KDM4B: variants seen among roughly 807,000 people sequenced by gnomAD.
KDM4B encodes lysine demethylase 4B.
In KDM4B, 32 loss-of-function variants were observed where a neutral mutation model predicts 125.2. That is an observed-to-expected ratio of 0.26 (90% CI 0.19 to 0.34). The LOEUF (loss-of-function observed/expected upper bound fraction) is 0.34. Among genes scored for constraint, KDM4B ranks in the 10% least tolerant of loss-of-function variants. The probability of loss-of-function intolerance (pLI) is 1.00; values close to 1 mark genes in which losing one functional copy is unlikely to be tolerated. For synonymous variants in KDM4B, 721 were observed against 677.9 expected (o/e 1.06, Z -0.99); for missense variants, 1,190 against 1,577.7 (o/e 0.75, Z 4.16).
intron 10 of KDM4B, among the ~76,000 whole-genome samples, chr19:5,113,713 G>GC (rs1316938515): frequency 6.6e-6 from 1 of 152,122 alleles, no homozygotes; most frequent in Non-Finnish European, 1.5e-5. Context: ...TGCCAGGAGT[G>GC]CCCCAAGTCG....
chr19:5,143,898 CG>C, intron 18 of KDM4B, 68 bp from the exon 19 acceptor site: 2 of 1,267,572 alleles, frequency 1.6e-6, no homozygotes, highest in Non-Finnish European at 2.2e-6. Flanking sequence ...CGGGAGGGGC[CG>C]GGGACTCCGT....
intron 1 of KDM4B, among the ~76,000 whole-genome samples, chr19:4,999,070 C>T (rs1342028527): frequency 6.6e-6 from 1 of 152,160 alleles, no homozygotes; most frequent in Non-Finnish European, 1.5e-5. Context: ...CGTTACTCCT[C>T]AAACGTTCAC....
At chr19:4,976,077 C>T (rs1335525436) in intron 1 of KDM4B, among the ~76,000 whole-genome samples, 1 of 151,312 alleles carries the variant, frequency 6.6e-6, no homozygotes, top group African/African-American at 2.4e-5. Context: ...TGGAGAAATC[C>T]TGTCTCTACT....
chr19:5,110,538 G>A, intron 9 of KDM4B, 84 bp from the exon 10 acceptor site: 1 of 1,402,386 alleles, frequency 7.1e-7, no homozygotes, highest in Non-Finnish European at 1.0e-6. Context: ...CCCGGGCCGT[G>A]AGCCCTACCT....
intron 1 of KDM4B, among the ~76,000 whole-genome samples, chr19:5,013,377 T>C (rs1599413008): frequency 6.6e-6 from 1 of 152,228 alleles, no homozygotes; most frequent in African/African-American, 2.4e-5. Flanking sequence ...GGCCCTTGTC[T>C]CCGCTGAAGT....
At chr19:5,046,307 C>G (rs2602728) in intron 5 of KDM4B, among the ~76,000 whole-genome samples, 3 of 152,060 alleles carry the variant, frequency 2.0e-5, no homozygotes. Flanking sequence ...AGCAGAGAAG[C>G]GACTTGCTGT....
rs1037201615 is a variant in KDM4B at position 5,141,814 on chromosome 19, A to G, written c.2551-2153A>G. On this transcript the variant is annotated intron_variant, in intron 18 of 22. Transcript: ENST00000159111. This position sits in a 1 kb window ranked among gnomAD's most constrained non-coding sequence, Gnocchi z 6.4. ...CAGGTTCCTGGCAGCAGGCAAAAGC[A>G]CCGGGAGCTCCCTGGAGGATCTGGG... Among the ~76,000 whole-genome samples, 5 of 151,596 alleles carry G rather than the reference A, an allele frequency of 3.3e-5. No homozygotes were observed. The highest frequency in any genetic ancestry group is 3.4e-3 in the Middle Eastern group (1 of 294).
At chr19:4,970,352 C>A (rs2034212014) in intron 1 of KDM4B, among the ~76,000 whole-genome samples, 1 of 152,204 alleles carries the variant, frequency 6.6e-6, no homozygotes, top group African/African-American at 2.4e-5. Context: ...GAAGGTGGTT[C>A]AGCTCCGTGG....
chr19:5,116,890 C>G (rs918214961), intron 10 of KDM4B, among the ~76,000 whole-genome samples: 1 of 152,150 alleles, frequency 6.6e-6, no homozygotes, highest in African/African-American at 2.4e-5. Context: ...ATGGCCACAC[C>G]CTCAACACCT....
intron 9 of KDM4B, among the ~76,000 whole-genome samples, chr19:5,103,323 T>A (rs572881608): frequency 6.6e-6 from 1 of 152,250 alleles, no homozygotes; most frequent in African/African-American, 2.4e-5. Context: ...CTGATTTGTA[T>A]TTTTTCATGC....
chr19:5,079,554 C>A (rs2038223720), intron 8 of KDM4B, among the ~76,000 whole-genome samples: 1 of 152,178 alleles, frequency 6.6e-6, no homozygotes, highest in Non-Finnish European at 1.5e-5. Context: ...GGGGGCCCAG[C>A]TGGATCCCTG....
chr19:5,083,224 G>A (rs1395158597), intron 9 of KDM4B, among the ~76,000 whole-genome samples: 4 of 152,212 alleles, frequency 2.6e-5, no homozygotes, highest in African/African-American at 9.7e-5. Flanking sequence ...AGCCATCTGT[G>A]TGGCTGTTCT....
At chr19:5,132,843 T>C (rs200265597) in intron 13 of KDM4B, among the ~76,000 whole-genome samples, 1 of 152,138 alleles carries the variant, frequency 6.6e-6, no homozygotes, top group East Asian at 1.9e-4. Flanking sequence ...AGTGGCTCTG[T>C]TCTCATCCCC....
chr19:5,053,209 C>T (rs572851412), intron 6 of KDM4B, among the ~76,000 whole-genome samples: 5 of 152,240 alleles, frequency 3.3e-5, no homozygotes, highest in Admixed American at 2.0e-4. Context: ...CCTTGCCACC[C>T]GAGGCCCAAC....
At position 5,144,151 on chromosome 19, in the gene KDM4B, C is replaced by T; in HGVS notation, c.2735C>T (p.Ala912Val). The change falls in exon 19 of 23, where the codon GCT (alanine) becomes GTT (valine). Residue 912 changes from alanine (A) to valine (V), a missense_variant and splice_region_variant. This residue lies in a region of KDM4B where 298 missense variants were observed against 439.7 expected (regional missense o/e 0.68). Coordinates refer to ENST00000159111, the MANE Select transcript of KDM4B (RefSeq NM_015015.3). The part of the protein sequence containing the change: ...TCLKHKSGGH[A>V]VQLLRAVSLG... ...CTCAAGCACAAGTCGGGGGGTCACG[C>T]TGTGAGTGCCTGCCCGCCTCCTTGC... 6.3e-7 allele frequency: 1 copy of T among 1,595,146 alleles called. No homozygotes were observed. The highest frequency in any genetic ancestry group is 8.6e-7 in the Non-Finnish European group (1 of 1,166,268).
intron 6 of KDM4B, among the ~76,000 whole-genome samples, chr19:5,051,867 G>C (rs1198988394): frequency 2.0e-5 from 3 of 152,228 alleles, no homozygotes; most frequent in Admixed American, 6.5e-5. Flanking sequence ...CTCATCTCTG[G>C]CTGTTTCCTC....
At position 5,151,770 on chromosome 19, in the gene KDM4B, CTCT is replaced by C. The variant is rs369741039; in HGVS notation, c.*266_*268del. ...CTCAGAATTTTAAACCATGTAAGCT[CTCT>C]TCTTCTCGAAAAGGTGCTACTGCAA... On this transcript the variant is annotated 3_prime_UTR_variant, in exon 23 of 23. Transcript: ENST00000159111. The C allele has an allele frequency of 2.8e-4, 105 of 374,624 alleles. No individual in the cohort carries two copies. The highest frequency in any genetic ancestry group is 1.9e-3 in the African/African-American group (92 of 48,196). 23.2% of individuals were successfully genotyped at this position (374,624 alleles called of 1,614,324 possible). A position where few individuals can be genotyped will look rare whatever the true frequency, so the allele number is the denominator to read the frequency against.
intron 7 of KDM4B, among the ~76,000 whole-genome samples, chr19:5,073,838 C>G (rs528087197): frequency 2.6e-5 from 4 of 152,260 alleles, no homozygotes; most frequent in South Asian, 2.1e-4. Flanking sequence ...GGACTCTGGC[C>G]AGGTGCAGTA....
chr19:5,066,933 C>T (rs561066673), intron 6 of KDM4B, among the ~76,000 whole-genome samples: 10 of 152,274 alleles, frequency 6.6e-5, no homozygotes, highest in Non-Finnish European at 1.3e-4. Flanking sequence ...AGAGGAGTGG[C>T]GATGCCCGGG....
Sources: gnomAD v4.1 joint callset for allele counts (sites outside exome capture counted in the v4.1 genomes callset) on GRCh38, gnomAD v4.1.1 for gene constraint, gnomAD v4.1.1 regional missense constraint, Gnocchi (gnomAD v3.1) non-coding constraint, MANE v1.5 for transcripts, NCBI Gene and HGNC (gene_info 2026-07-23, HGNC 2026-07-21) for gene names.